The following TBC1D31 variants were observed in gnomAD, a reference collection of about 807,000 sequenced individuals.
TBC1D31 encodes TBC1 domain family member 31, also known as WD repeat domain 67.
TBC1D31 carries 99 observed loss-of-function variants against 132.9 expected under a neutral mutation model. The observed-to-expected ratio is 0.74, with a 90% confidence interval of 0.63 to 0.88. The LOEUF (loss-of-function observed/expected upper bound fraction) is 0.88. Ranked by LOEUF, TBC1D31 falls within the 40% of genes least tolerant of loss-of-function variation. The pLI, the probability that TBC1D31 is intolerant of heterozygous loss-of-function variation, is 0.00. For synonymous variants in TBC1D31, 385 were observed against 419.4 expected (o/e 0.92, Z 1.00); for missense variants, 1,134 against 1,256.6 (o/e 0.90, Z 1.48).
At chr8:123,121,647 C>T (rs1232730178) in intron 11 of TBC1D31, among the ~76,000 whole-genome samples, 2 of 152,202 alleles carry the variant, frequency 1.3e-5, no homozygotes, top group African/African-American at 2.4e-5. Context: ...TCTGTCGCTC[C>T]TGCTCTCTTC....
intron 10 of TBC1D31, among the ~76,000 whole-genome samples, chr8:123,112,298 T>G (rs1258402780): frequency 6.6e-6 from 1 of 152,216 alleles, no homozygotes; most frequent in Non-Finnish European, 1.5e-5. Flanking sequence ...ATTTAATTTG[T>G]TTTATACTTT....
chr8:123,124,332 G>T (rs1819809186), intron 11 of TBC1D31, among the ~76,000 whole-genome samples: 1 of 152,044 alleles, frequency 6.6e-6, no homozygotes, highest in African/African-American at 2.4e-5. Context: ...AAGTCTTTTG[G>T]TTTAACAAAG....
At chr8:123,103,203 G>A (rs552626785) in intron 7 of TBC1D31, 68 of 152,256 alleles carry the variant, frequency 4.5e-4, no homozygotes, top group African/African-American at 1.5e-3. Context: ...GTTTCTGTGT[G>A]TACGCACATG....
chr8:123,157,308 G>C, the TBC1D31 span, among the ~76,000 whole-genome samples: 7 of 152,282 alleles, frequency 4.6e-5, no homozygotes, highest in East Asian at 1.9e-4. Flanking sequence ...GAGGCACCTA[G>C]TAAGGGTTTC....
chr8:123,141,844 CTTTTTTTTTTTTTTTT>C (rs1160750679), intron 18 of TBC1D31, among the ~76,000 whole-genome samples: 1 of 52,066 alleles, frequency 1.9e-5, no homozygotes, highest in Non-Finnish European at 3.4e-5. Context: ...TTGAAGAGCT[CTTTTTTTTTTTTTTTT>C]TTTTTTTTTT....
At chr8:123,107,311 T>C (rs1818023935) in intron 8 of TBC1D31, among the ~76,000 whole-genome samples, 3 of 152,124 alleles carry the variant, frequency 2.0e-5, no homozygotes, top group Admixed American at 2.0e-4. Flanking sequence ...CATGAAGAAA[T>C]AGAGCATTAC....
chr8:123,135,849 G>A lies in TBC1D31; in HGVS notation c.2499+1643G>A, dbSNP rs115917794. On this transcript the variant is annotated intron_variant, in intron 17 of 21. Transcript: ENST00000287380. ...AGCTAAACTTTACTATATTTTCTTT[G>A]GGGGTGGAGGATAGTGGCAATCGAA... 2.1e-3 allele frequency among the ~76,000 whole-genome samples: 319 copies of A among 152,246 alleles called. 1 individual carries two copies. Among genetic ancestry groups the A allele is most frequent in the African/African-American group, 7.2e-3 (299 of 41,536 alleles).
At chr8:123,084,102 T>G (rs1046951080) in intron 3 of TBC1D31, 60 bp from the exon 4 acceptor site, 5 of 1,417,404 alleles carry the variant, frequency 3.5e-6, no homozygotes, top group Non-Finnish European at 2.9e-6. Context: ...TGTTTATATG[T>G]AATGTTACTT....
At chr8:123,089,522 G>C (rs1441979931) in intron 4 of TBC1D31, among the ~76,000 whole-genome samples, 1 of 152,158 alleles carries the variant, frequency 6.6e-6, no homozygotes, top group Non-Finnish European at 1.5e-5. Context: ...TTTGAGACCA[G>C]CCTGGGCAAC....
In TBC1D31 at chr8:123,120,057, C is replaced by A. The variant is rs1232853762; in HGVS notation, c.1439C>A (p.Thr480Asn). ...SRKLLRVLQR[T>N]LSALAHWSVI... ...ATGCTAAGTTATTTTATTCACAGAA[C>A]CTTATCTGCATTAGCTCACTGGTCT... The change falls in exon 11 of 22, where the codon ACC (threonine) becomes AAC (asparagine). Residue 480 changes from threonine (T) to asparagine (N), a missense_variant and splice_region_variant. Physicochemically the swap from Thr to Asn is moderately conservative, Grantham distance 65. Coordinates refer to ENST00000287380, the MANE Select transcript of TBC1D31 (RefSeq NM_145647.4). 6.3e-7 allele frequency: 1 copy of A among 1,589,354 alleles called. No individual in the cohort carries two copies. The highest frequency in any genetic ancestry group is 1.4e-5 in the African/African-American group (1 of 73,840).
At position 123,084,318 on chromosome 8, in the gene TBC1D31, G is replaced by A. The variant is rs374284052; in HGVS notation, c.497G>A (p.Arg166His). 12 of 1,613,976 alleles carry A rather than the reference G, an allele frequency of 7.4e-6. No homozygotes were observed. The highest frequency in any genetic ancestry group is 1.3e-5 in the African/African-American group (1 of 74,922). The change falls in exon 4 of 22, where the codon CGC becomes CAC. Residue 166 changes from arginine (R) to histidine (H), a missense_variant. Arg to His is a conservative substitution (Grantham distance 29). Coordinates refer to ENST00000287380, the MANE Select transcript of TBC1D31 (RefSeq NM_145647.4). ...TFQRKRKLNIRQSVGIQKVFF... is the reference protein window; with the variant it reads ...TFQRKRKLNIHQSVGIQKVFF... ...CAGAGAAAAAGAAAGCTGAATATTC[G>A]CCAGTCTGTGGGTATACAGAAGGTC...
At chr8:123,120,422 A>T (rs1329177272) in intron 11 of TBC1D31, among the ~76,000 whole-genome samples, 2 of 152,272 alleles carry the variant, frequency 1.3e-5, no homozygotes, top group African/African-American at 2.4e-5. Flanking sequence ...CTGTAATCCC[A>T]GCACTTTGGG....
intron 11 of TBC1D31, among the ~76,000 whole-genome samples, chr8:123,120,584 A>G (rs1424647448): frequency 6.6e-6 from 1 of 152,182 alleles, no homozygotes; most frequent in Non-Finnish European, 1.5e-5. Context: ...TGGCAGGAGA[A>G]TCACTTGAAC....
At position 123,084,162 on chromosome 8, in the gene TBC1D31, T is replaced by C. The variant is rs745313392; in HGVS notation, c.341T>C (p.Val114Ala). Residue 114 changes from valine (V) to alanine (A), a missense_variant and splice_region_variant, in exon 4 of 22, where the codon GTC becomes GCC. Coordinates refer to ENST00000287380, the MANE Select transcript of TBC1D31 (RefSeq NM_145647.4). ...GTAACAATTTTACTTTTTACCACAG[T>C]CACCAAGGAGCTAGTTAGCTGGATG... Reference protein sequence around the residue: ...ADYSIKCFDTVTKELVSWMRG... With the variant: ...ADYSIKCFDTATKELVSWMRG... 1 of 1,613,582 alleles carries C rather than the reference T, an allele frequency of 6.2e-7. No individual in the cohort carries two copies. The highest frequency in any genetic ancestry group is 1.3e-5 in the African/African-American group (1 of 74,912).
chr8:123,076,033 A>G (rs1210030949), intron 1 of TBC1D31, among the ~76,000 whole-genome samples: 1 of 152,240 alleles, frequency 6.6e-6, no homozygotes, highest in African/African-American at 2.4e-5. Flanking sequence ...AAAATTAACC[A>G]TATTGCTATT....
intron 1 of TBC1D31, chr8:123,073,419 T>A (rs1299975729): frequency 2.2e-6 from 1 of 456,060 alleles, no homozygotes; most frequent in Non-Finnish European, 4.4e-6. Context: ...CTCTGGAGTT[T>A]ACATATCGGC....
intron 10 of TBC1D31, among the ~76,000 whole-genome samples, chr8:123,112,514 T>C (rs1221255757): frequency 6.6e-6 from 1 of 152,224 alleles, no homozygotes; most frequent in Non-Finnish European, 1.5e-5. Flanking sequence ...TACTCTGCTT[T>C]TTAAATTTAA....
At chr8:123,129,347 G>T in intron 15 of TBC1D31, 129 bp downstream of exon 15, 1 of 566,044 alleles carries the variant, frequency 1.8e-6, no homozygotes, top group Non-Finnish European at 2.8e-6. Flanking sequence ...TTTCTATAAA[G>T]CAACTATTAA....
At chr8:123,153,821 G>A (rs59428574), downstream of TBC1D31, among the ~76,000 whole-genome samples, 11,008 of 152,162 alleles carry the variant, frequency 0.072, 453 homozygotes, top group Non-Finnish European at 0.095. Context: ...AAAGAAGAGC[G>A]GTCCCTATAG....
Sources: allele counts gnomAD v4.1 joint callset (sites outside exome capture counted in the v4.1 genomes callset), GRCh38; gene constraint gnomAD v4.1.1; transcripts MANE v1.5; gene names NCBI Gene and HGNC (gene_info 2026-07-23, HGNC 2026-07-21).